SCN7A: variants seen among roughly 807,000 people sequenced by gnomAD.
SCN7A encodes the protein sodium channel protein type 7 subunit alpha.
A neutral mutation model predicts 155.2 loss-of-function variants in SCN7A; 138 were observed. That is an observed-to-expected ratio of 0.89 (90% CI 0.77 to 1.02). The LOEUF (loss-of-function observed/expected upper bound fraction) is 1.02, where lower values mean the gene tolerates loss of function less well. Among genes scored for constraint, SCN7A ranks in the 50% least tolerant of loss-of-function variants. SCN7A has a pLI of 0.00. For synonymous variants in SCN7A, 693 were observed against 649.0 expected, an observed-to-expected ratio of 1.07 and a Z score of -1.03; for missense variants, 2,058 against 1,986.6, an observed-to-expected ratio of 1.04 and a Z score of -0.68.
In SCN7A at chr2:166,441,579, G is replaced by T. The variant is rs773898220; in HGVS notation, c.1974C>A (p.Cys658Ter). The change falls in exon 15 of 26, where the codon TGC becomes TGA. Residue 658 changes from cysteine (C) to a stop codon, truncating the protein, a stop_gained. Transcript: ENST00000643258. LOFTEE classifies it high-confidence loss of function. The stretch of plus-strand genomic sequence containing the variant: ...GGAGTTGACAGTCTTTGTCTATGTG[G>T]CAGACAAATTCTTCATAATTCTTAC... Reference protein sequence around the residue: ...LFGKNYEEFVCHIDKDCQLPR... With the variant: ...LFGKNYEEFV 1 of 1,613,956 alleles carries T rather than the reference G, an allele frequency of 6.2e-7. No individual in the cohort carries two copies. The highest frequency in any genetic ancestry group is 8.5e-7 in the Non-Finnish European group (1 of 1,179,938).
In SCN7A at chr2:166,429,023, AT is replaced by A. The variant is rs375006157; in HGVS notation, c.2698+145del. The A allele has an allele frequency of 4.3e-4, 230 of 532,776 alleles. 1 individual carries two copies. The highest frequency in any genetic ancestry group is 3.9e-3 in the African/African-American group (197 of 50,926). The allele number at this position is 532,776 out of a possible 1,614,324, so 33.0% of individuals were successfully genotyped here. A position where few individuals can be genotyped will look rare whatever the true frequency, so the allele number is the denominator to read the frequency against. On this transcript the variant is annotated intron_variant, in intron 17 of 25. Coordinates refer to ENST00000643258, the MANE Select transcript of SCN7A (RefSeq NM_002976.4). Reference sequence around the variant, plus strand: ...AACTGTCAGAGGAAAACAAGTTGTAATGGTGACACTTGTACATTTAACATGA... The same window carrying A: ...AACTGTCAGAGGAAAACAAGTTGTAAGGTGACACTTGTACATTTAACATGA...
At chr2:166,417,997 T>C (rs1701415892) in intron 20 of SCN7A, among the ~76,000 whole-genome samples, 1 of 151,832 alleles carries the variant, frequency 6.6e-6, no homozygotes, top group South Asian at 2.1e-4. Context: ...AAATCAGAAT[T>C]GTATTCTTAT....
At chr2:166,414,004 A>AT (rs1559087806) in intron 21 of SCN7A, among the ~76,000 whole-genome samples, 11 of 45,790 alleles carry the variant, frequency 2.4e-4, no homozygotes, top group East Asian at 8.3e-4. Context: ...TATATATATA[A>AT]ATATACTATA....
intron 11 of SCN7A, 26 bp downstream of exon 11, chr2:166,456,844 A>G: frequency 9.0e-7 from 1 of 1,110,504 alleles, no homozygotes; most frequent in Non-Finnish European, 1.3e-6. Context: ...AGATAGATAG[A>G]TAGATAGATA....
rs1701551927 is a variant in SCN7A, at chr2:166,423,321, C to T, written c.2965G>A (p.Ala989Thr). 2 of 1,612,168 alleles carry T rather than the reference C, an allele frequency of 1.2e-6. No individual in the cohort carries two copies. The highest frequency in any genetic ancestry group is 1.7e-6 in the Non-Finnish European group (2 of 1,179,064). ...FILEMLLKWM[A>T]YGFKAYFSNG... ...GAGAAATAGGCCTTAAAACCATATG[C>T]CATCCATTTTAGAAGCATTTCCAGA... The change falls in exon 19 of 26, where the codon GCA (alanine) becomes ACA (threonine). Residue 989 changes from alanine (A) to threonine (T), a missense_variant. Transcript: ENST00000643258.
intron 3 of SCN7A, 110 bp from the exon 4 acceptor site, chr2:166,474,454 A>G (rs1404942381): frequency 5.1e-6 from 2 of 388,622 alleles, no homozygotes; most frequent in Admixed American, 9.0e-5. Flanking sequence ...TCTAAAAGCC[A>G]TACTCTTCTT....
chr2:166,437,140 G>A (rs1433111850), intron 15 of SCN7A, among the ~76,000 whole-genome samples: 1 of 152,202 alleles, frequency 6.6e-6, no homozygotes, highest in Non-Finnish European at 1.5e-5. Flanking sequence ...ATAGGCCTAG[G>A]AGGAAAAAAT....
intron 1 of SCN7A, among the ~76,000 whole-genome samples, chr2:166,490,080 C>G (rs533432850): frequency 6.6e-6 from 1 of 152,038 alleles, no homozygotes; most frequent in South Asian, 2.1e-4. Flanking sequence ...TCCATTATCT[C>G]ACAGACTTAT....
At chr2:166,461,232 C>T (rs539176272) in intron 10 of SCN7A, among the ~76,000 whole-genome samples, 1 of 151,610 alleles carries the variant, frequency 6.6e-6, no homozygotes, top group Non-Finnish European at 1.5e-5. Context: ...ATCAAGTCAA[C>T]CAAAATAAGC....
intron 16 of SCN7A, 22 bp downstream of exon 16, chr2:166,432,296 T>A: frequency 6.4e-7 from 1 of 1,556,114 alleles, no homozygotes; most frequent in Non-Finnish European, 8.7e-7. Flanking sequence ...CACTAAGCAA[T>A]CAGGATATTT....
intron 21 of SCN7A, among the ~76,000 whole-genome samples, chr2:166,413,826 C>CCCTCAAA (rs1402943739): frequency 9.4e-5 from 14 of 149,660 alleles, no homozygotes; most frequent in Admixed American, 5.4e-4. Context: ...ATGCTTCCTG[C>CCCTCAAA]CCTCAAACAT....
chr2:166,438,024 T>C (rs1215114449), intron 15 of SCN7A, among the ~76,000 whole-genome samples: 2 of 152,164 alleles, frequency 1.3e-5, no homozygotes, highest in Non-Finnish European at 2.9e-5. Flanking sequence ...GATAGTGTTT[T>C]GAAATGTGAG....
intron 11 of SCN7A, among the ~76,000 whole-genome samples, chr2:166,451,894 T>C (rs1702184199): frequency 6.6e-6 from 1 of 152,178 alleles, no homozygotes; most frequent in Admixed American, 6.6e-5. Context: ...ATTTTTCCTT[T>C]TTCATTTATT....
In SCN7A at chr2:166,406,170, T is replaced by C. The variant is rs1701067636; in HGVS notation, c.4459A>G (p.Ile1487Val). ...ACAACAACAATGTACATATTTACAATGATCAGCCATGATATGAGGATATAA... is the reference window on the plus strand; with the variant it reads ...ACAACAACAATGTACATATTTACAACGATCAGCCATGATATGAGGATATAA... ...VSYILISWLI[I>V]VNMYIVVVME... The change falls in exon 26 of 26, where the codon ATT becomes GTT. Residue 1487 changes from isoleucine to valine, a missense_variant. By Grantham distance (29) the Ile-to-Val change is conservative. Transcript: ENST00000643258. The C allele has an allele frequency of 5.6e-6, 9 of 1,612,258 alleles. No homozygotes were observed. The highest frequency in any genetic ancestry group is 2.2e-5 in the South Asian group (2 of 91,020).
chr2:166,457,283 T>C (rs1000862925), intron 10 of SCN7A, among the ~76,000 whole-genome samples: 1 of 152,214 alleles, frequency 6.6e-6, no homozygotes, highest in Non-Finnish European at 1.5e-5. Flanking sequence ...AGGTATACAA[T>C]ATATGCTGTA....
In SCN7A at chr2:166,406,484, T is replaced by C. The variant is rs368149718; in HGVS notation, c.4145A>G (p.Asn1382Ser). Residue 1382 changes from asparagine to serine, a missense_variant, in exon 26 of 26, where the codon AAC (asparagine) becomes AGC (serine). Asn to Ser is a conservative substitution (Grantham distance 46). Transcript: ENST00000643258. ...PLMLSLPALL[N>S]IILLIFLVMF... ...GACCAGGAAGATGAGAAGAATGATG[T>C]TCAATAATGCTGGGAGGGACAGCAT... The C allele has an allele frequency of 3.7e-6, 6 of 1,612,748 alleles. No homozygotes were observed. The highest frequency in any genetic ancestry group is 5.1e-6 in the Non-Finnish European group (6 of 1,179,328).
Position 166,413,075 on chromosome 2 carries a change from G to A in SCN7A, c.3461C>T (p.Ser1154Phe), listed in dbSNP as rs200311754. Residue 1154 changes from serine to phenylalanine, a missense_variant, in exon 22 of 26, where the codon TCT becomes TTT. Transcript: ENST00000643258. ...WITIMNSAID[S>F]VAVNIQPHFE... ...AAATGATATTATACTTACAGCAACA[G>A]AATCAATTGCTGAATTCATAATAGT... The A allele has an allele frequency of 2.0e-6, 3 of 1,530,088 alleles. No homozygotes were observed. Among genetic ancestry groups the A allele is most frequent in the African/African-American group, 1.4e-5 (1 of 72,346 alleles). The allele number at this position is 1,530,088 out of a possible 1,614,324, so 94.8% of individuals were successfully genotyped here.
At chr2:166,417,060 A>T in intron 20 of SCN7A, 75 bp from the exon 21 acceptor site, 1 of 1,128,900 alleles carries the variant, frequency 8.9e-7, no homozygotes. Flanking sequence ...TTTGAAAAAT[A>T]CTAATTGATA....
At chr2:166,447,955 G>C (rs1702101133) in intron 11 of SCN7A, among the ~76,000 whole-genome samples, 1 of 151,946 alleles carries the variant, frequency 6.6e-6, no homozygotes, top group Admixed American at 6.6e-5. Context: ...TCTTTTCTTT[G>C]TATTGATAAC....
Sources: allele counts gnomAD v4.1 joint callset (sites outside exome capture counted in the v4.1 genomes callset), GRCh38; gene constraint gnomAD v4.1.1; transcripts MANE v1.5; gene names NCBI Gene and HGNC (gene_info 2026-07-23, HGNC 2026-07-21).